The following DENND2A variants were observed in gnomAD, a reference collection of about 807,000 sequenced individuals.
DENND2A encodes the protein DENN domain-containing protein 2A.
Under a neutral mutation model 105.3 loss-of-function variants are expected in DENND2A, and 53 were observed. That is an observed-to-expected ratio of 0.50 (90% CI 0.40 to 0.63). The LOEUF is 0.63. DENND2A is among the 30% of genes least tolerant of loss of function. DENND2A has a pLI of 0.00. For missense variants in DENND2A, 1,138 were observed against 1,279.6 expected (o/e 0.89, Z 1.69); for synonymous variants, 522 against 508.4 (o/e 1.03, Z -0.36).
intron 14 of DENND2A, among the ~76,000 whole-genome samples, chr7:140,533,269 G>A (rs1295795760): frequency 6.6e-6 from 1 of 152,134 alleles, no homozygotes; most frequent in Non-Finnish European, 1.5e-5. Context: ...GGGATTACAG[G>A]CGTGAGCCAC....
intron 14 of DENND2A, among the ~76,000 whole-genome samples, chr7:140,529,976 A>G (rs961252251): frequency 6.6e-6 from 1 of 151,778 alleles, no homozygotes; most frequent in African/African-American, 2.4e-5. Context: ...ACAACAAGAT[A>G]TATGTGTGTA....
intron 1 of DENND2A, among the ~76,000 whole-genome samples, chr7:140,635,855 G>T (rs561011373): frequency 1.2e-3 from 190 of 152,322 alleles, no homozygotes; most frequent in African/African-American, 4.3e-3. Flanking sequence ...GAGGGCTGAC[G>T]GAGTAAACTG....
rs1289090975 is a variant in DENND2A at position 140,527,075 on chromosome 7, C to T, written c.2505+243G>A. On this transcript the variant is annotated intron_variant, in intron 15 of 19. Coordinates refer to ENST00000496613, the MANE Select transcript of DENND2A (RefSeq NM_015689.5). The surrounding 1 kb of genome is among the most constrained non-coding windows in gnomAD (Gnocchi z 4.9). Reference sequence around the variant, plus strand: ...TCTGGCTAAATTGTTCATTGCTGACCTTCTCAAGAGGTGCTCATACCAGGC... The same window carrying T: ...TCTGGCTAAATTGTTCATTGCTGACTTTCTCAAGAGGTGCTCATACCAGGC... Among the ~76,000 whole-genome samples the T allele has an allele frequency of 6.6e-6, 1 of 152,168 alleles. No individual in the cohort carries two copies. Among genetic ancestry groups the T allele is most frequent in the Non-Finnish European group, 1.5e-5 (1 of 68,042 alleles).
At chr7:140,586,048 G>A (rs556651094) in intron 4 of DENND2A, among the ~76,000 whole-genome samples, 1 of 152,222 alleles carries the variant, frequency 6.6e-6, no homozygotes, top group African/African-American at 2.4e-5. Context: ...CGGCTCTAAA[G>A]GTGAACAAAT....
chr7:140,567,983 C>T (rs1797934424), intron 8 of DENND2A, among the ~76,000 whole-genome samples: 1 of 152,114 alleles, frequency 6.6e-6, no homozygotes, highest in Non-Finnish European at 1.5e-5. Context: ...CTCTGTTGCC[C>T]AGGCTGGAGT....
chr7:140,595,210 T>C (rs1315885596), intron 3 of DENND2A, among the ~76,000 whole-genome samples: 1 of 151,772 alleles, frequency 6.6e-6, no homozygotes, highest in African/African-American at 2.4e-5. Context: ...TTTCCCCATG[T>C]TAGCCAGGCT....
intron 16 of DENND2A, among the ~76,000 whole-genome samples, chr7:140,524,579 C>CT (rs900233387): frequency 2.3e-4 from 35 of 149,746 alleles, no homozygotes; most frequent in Middle Eastern, 3.5e-3. Flanking sequence ...TCTCTTCTCT[C>CT]TTTTTTTTTT....
chr7:140,565,180 C>T (rs1005779511), intron 9 of DENND2A, among the ~76,000 whole-genome samples: 3 of 152,124 alleles, frequency 2.0e-5, no homozygotes, highest in African/African-American at 4.8e-5. Context: ...GGATCTGGGC[C>T]TTGGTAGATG....
At chr7:140,521,834 A>C in intron 18 of DENND2A, 21 bp downstream of exon 18, 1 of 1,612,734 alleles carries the variant, frequency 6.2e-7, no homozygotes, top group Non-Finnish European at 8.5e-7. Context: ...ACTCGGCCCC[A>C]ACAGAGAAGA....
chr7:140,620,140 G>A (rs1397934221), intron 1 of DENND2A, among the ~76,000 whole-genome samples: 2 of 151,922 alleles, frequency 1.3e-5, no homozygotes, highest in African/African-American at 4.8e-5. Context: ...AGGTTGCATG[G>A]AGCCAAGATT....
At chr7:140,606,340 C>T (rs1379131647) in intron 1 of DENND2A, among the ~76,000 whole-genome samples, 1 of 152,112 alleles carries the variant, frequency 6.6e-6, no homozygotes, top group African/African-American at 2.4e-5. Context: ...GTGCCTGGCC[C>T]TCTTTGCATA....
At chr7:140,554,348 T>C (rs372815065) in intron 12 of DENND2A, among the ~76,000 whole-genome samples, 31 of 151,024 alleles carry the variant, frequency 2.1e-4, no homozygotes, top group South Asian at 6.3e-4. Flanking sequence ...GAAAATAAAT[T>C]TATGAATTAG....
chr7:140,621,358 T>C lies in DENND2A; in HGVS notation c.-247-15552A>G, dbSNP rs142989892. 2.6e-3 allele frequency among the ~76,000 whole-genome samples: 392 copies of C among 152,066 alleles called. 1 individual carries two copies. Among genetic ancestry groups the C allele is most frequent in the African/African-American group, 9.1e-3 (376 of 41,534 alleles). On this transcript the variant is annotated intron_variant, in intron 1 of 19. Coordinates refer to ENST00000496613, the MANE Select transcript of DENND2A (RefSeq NM_015689.5). ...TGGCCCTTCCACATACTTTAAATCA[T>C]TTCTAGATTACTTATAATACCCAAT...
chr7:140,579,645 G>A (rs1034742789), intron 5 of DENND2A, among the ~76,000 whole-genome samples: 4 of 151,776 alleles, frequency 2.6e-5, no homozygotes, highest in African/African-American at 9.7e-5. Context: ...CGCCTGCCTC[G>A]ACCTCCCAAG....
At chr7:140,589,999 C>G (rs890917137) in intron 3 of DENND2A, among the ~76,000 whole-genome samples, 1 of 152,174 alleles carries the variant, frequency 6.6e-6, no homozygotes, top group Non-Finnish European at 1.5e-5. Flanking sequence ...ACATCTGAAT[C>G]TTTAAAATGT....
intron 1 of DENND2A, among the ~76,000 whole-genome samples, chr7:140,617,320 T>C (rs7776899): frequency 0.12 from 17,976 of 152,214 alleles, 2,946 homozygotes; most frequent in African/African-American, 0.37. Flanking sequence ...GCCTTCAATA[T>C]CAAGGCTCCC....
intron 6 of DENND2A, among the ~76,000 whole-genome samples, chr7:140,572,360 TACAG>T (rs1335911144): frequency 2.0e-5 from 3 of 152,082 alleles, no homozygotes; most frequent in East Asian, 3.9e-4. Context: ...CCTTGAAAGC[TACAG>T]ACAGTGTCCC....
rs1797529056 is a variant in DENND2A, at chr7:140,559,558, C to G, written c.1889+150G>C. The G allele has an allele frequency of 1.6e-6, 1 of 613,064 alleles. No homozygotes were observed. The allele number at this position is 613,064 out of a possible 1,614,324, so 38.0% of individuals were successfully genotyped here. ...GCAGGTGACTTCACCTTCAGGGAAG[C>G]TTTAAAAACACCCCTTGGGGAAAGC... On this transcript the variant is annotated intron_variant, in intron 10 of 19. Coordinates refer to ENST00000496613, the MANE Select transcript of DENND2A (RefSeq NM_015689.5). This position sits in a 1 kb window ranked among gnomAD's most constrained non-coding sequence, Gnocchi z 4.1.
chr7:140,524,168 T>C (rs1181152020), intron 16 of DENND2A, among the ~76,000 whole-genome samples: 1 of 152,126 alleles, frequency 6.6e-6, no homozygotes, highest in African/African-American at 2.4e-5. Flanking sequence ...CTGTGGGCCT[T>C]GAGGAAGTGA....
Sources: allele counts gnomAD v4.1 joint callset (sites outside exome capture counted in the v4.1 genomes callset), GRCh38; gene constraint gnomAD v4.1.1; non-coding constraint Gnocchi (gnomAD v3.1); transcripts MANE v1.5; gene names NCBI Gene and HGNC (gene_info 2026-07-23, HGNC 2026-07-21).